The following EXPH5 variants were observed in gnomAD, a reference collection of about 807,000 sequenced individuals.
EXPH5 encodes exophilin-5.
EXPH5 carries 42 observed loss-of-function variants against 41.1 expected under a neutral mutation model. That is an observed-to-expected ratio of 1.02 (90% CI 0.80 to 1.32). The LOEUF (loss-of-function observed/expected upper bound fraction) is 1.32, where lower values mean the gene tolerates loss of function less well. Among genes scored for constraint, EXPH5 ranks in the 40% most tolerant of loss-of-function variants. EXPH5 has a pLI of 0.00. For synonymous variants in EXPH5, 798 were observed against 833.5 expected, an observed-to-expected ratio of 0.96 and a Z score of 0.73; for missense variants, 2,298 against 2,314.5, an observed-to-expected ratio of 0.99 and a Z score of 0.15.
chr11:108,514,840 G>C lies in EXPH5; in HGVS notation c.667C>G (p.Gln223Glu). Residue 223 changes from glutamine to glutamate, a missense_variant, in exon 6 of 6, where the codon CAG (glutamine) becomes GAG (glutamate). Physicochemically the swap from Gln to Glu is conservative, Grantham distance 29. Coordinates refer to ENST00000265843, the MANE Select transcript of EXPH5 (RefSeq NM_015065.3). ...DDLDSKLAQE[Q>E]SASSVNTRTP... is the part of the protein sequence containing the mutation. ...CTGGTATTCACTGAGCTTGCAGACT[G>C]TTCCTGAGCCAATTTGCTATCCAAG... The C allele has an allele frequency of 6.6e-7, 1 of 1,504,226 alleles. No individual in the cohort carries two copies. The highest frequency in any genetic ancestry group is 8.8e-7 in the Non-Finnish European group (1 of 1,132,014). The allele number at this position is 1,504,226 out of a possible 1,614,324, so 93.2% of individuals were successfully genotyped here. A position where few individuals can be genotyped will look rare whatever the true frequency, so the allele number is the denominator to read the frequency against.
chr11:108,522,178 G>T (rs373817561), intron 4 of EXPH5, among the ~76,000 whole-genome samples: 1 of 150,808 alleles, frequency 6.6e-6, no homozygotes, highest in Non-Finnish European at 1.5e-5. Context: ...CTCTGCAAGG[G>T]TGAGGTTAGT....
At chr11:108,577,040 A>G (rs187497893) in intron 1 of EXPH5, among the ~76,000 whole-genome samples, 2 of 152,190 alleles carry the variant, frequency 1.3e-5, no homozygotes, top group African/African-American at 4.8e-5. Flanking sequence ...AGTTCCATCT[A>G]TATTGTTGCA....
chr11:108,533,762 A>C (rs922589201), intron 3 of EXPH5, among the ~76,000 whole-genome samples: 1 of 152,050 alleles, frequency 6.6e-6, no homozygotes. Flanking sequence ...CTGGATCCCA[A>C]TTGCACCCTC....
intron 1 of EXPH5, among the ~76,000 whole-genome samples, chr11:108,567,716 A>G (rs567115691): frequency 1.3e-5 from 2 of 152,358 alleles, no homozygotes; most frequent in South Asian, 4.1e-4. Flanking sequence ...TAAATGTTAA[A>G]TGGGACTTAG....
At chr11:108,554,406 T>TGCC (rs2093981441) in intron 1 of EXPH5, among the ~76,000 whole-genome samples, 1 of 152,198 alleles carries the variant, frequency 6.6e-6, no homozygotes, top group Admixed American at 6.5e-5. Context: ...TGCCTTAGTT[T>TGCC]GCACATTTGT....
chr11:108,545,168 C>T (rs2093931964), intron 1 of EXPH5, among the ~76,000 whole-genome samples: 1 of 152,214 alleles, frequency 6.6e-6, no homozygotes, highest in Non-Finnish European at 1.5e-5. Flanking sequence ...AATCCCAGCA[C>T]TTCGGGAGGC....
chr11:108,534,695 T>G (rs1245874323), intron 3 of EXPH5, among the ~76,000 whole-genome samples: 5 of 152,228 alleles, frequency 3.3e-5, no homozygotes, highest in Admixed American at 1.3e-4. Context: ...AGGAACATCA[T>G]GTGTCACCAT....
intron 4 of EXPH5, among the ~76,000 whole-genome samples, chr11:108,520,336 A>G (rs550496852): frequency 6.6e-6 from 1 of 152,120 alleles, no homozygotes; most frequent in African/African-American, 2.4e-5. Flanking sequence ...TTTTCCACGA[A>G]GTGGGTCCCT....
intron 1 of EXPH5, among the ~76,000 whole-genome samples, chr11:108,575,134 T>C (rs559010850): frequency 6.6e-6 from 1 of 152,340 alleles, no homozygotes; most frequent in African/African-American, 2.4e-5. Flanking sequence ...TCAAGAAATG[T>C]GAATAGTAAA....
intron 3 of EXPH5, among the ~76,000 whole-genome samples, chr11:108,533,104 A>G (rs980822357): frequency 6.6e-6 from 1 of 152,082 alleles, no homozygotes; most frequent in Non-Finnish European, 1.5e-5. Context: ...CTTCATGATC[A>G]TCTATCTACC....
At chr11:108,560,832 G>T (rs1243248168) in intron 1 of EXPH5, among the ~76,000 whole-genome samples, 1 of 152,112 alleles carries the variant, frequency 6.6e-6, no homozygotes, top group Non-Finnish European at 1.5e-5. Flanking sequence ...TATTTTTCTG[G>T]TAATGTCATT....
intron 1 of EXPH5, among the ~76,000 whole-genome samples, chr11:108,576,120 G>A (rs1420503795): frequency 6.6e-6 from 1 of 152,024 alleles, no homozygotes; most frequent in African/African-American, 2.4e-5. Flanking sequence ...AAATACTTGT[G>A]AGACAATTGT....
At chr11:108,597,676 G>T (rs2094140658), upstream of EXPH5, among the ~76,000 whole-genome samples, 1 of 152,134 alleles carries the variant, frequency 6.6e-6, no homozygotes, top group Non-Finnish European at 1.5e-5. Flanking sequence ...ACAAATCAGA[G>T]GTACCTGCTA....
At chr11:108,553,628 T>A (rs2093977899) in intron 1 of EXPH5, among the ~76,000 whole-genome samples, 2 of 152,198 alleles carry the variant, frequency 1.3e-5, no homozygotes, top group Admixed American at 6.5e-5. Context: ...GGCTGTCAGC[T>A]CCTTGAGGAC....
intron 1 of EXPH5, among the ~76,000 whole-genome samples, chr11:108,580,618 C>T (rs1035825173): frequency 8.5e-5 from 13 of 152,216 alleles, no homozygotes; most frequent in South Asian, 2.1e-4. Flanking sequence ...ATATTTATTG[C>T]GGCACTATTC....
the EXPH5 span, among the ~76,000 whole-genome samples, chr11:108,606,509 T>C: frequency 3.3e-5 from 5 of 152,230 alleles, no homozygotes; most frequent in African/African-American, 1.2e-4. Context: ...CCCCACACAA[T>C]TTAATATCAA....
At chr11:108,590,849 C>G (rs2094125802) in intron 1 of EXPH5, among the ~76,000 whole-genome samples, 1 of 152,172 alleles carries the variant, frequency 6.6e-6, no homozygotes, top group Non-Finnish European at 1.5e-5. Flanking sequence ...GACATGGTCT[C>G]TCTGTGTTGG....
intron 4 of EXPH5, among the ~76,000 whole-genome samples, chr11:108,519,656 G>A (rs2093751319): frequency 2.6e-5 from 4 of 151,946 alleles, no homozygotes; most frequent in East Asian, 1.9e-4. Flanking sequence ...GCTGGGCCAG[G>A]AGAATAGCTT....
chr11:108,596,925 C>T (rs566808948), upstream of EXPH5, among the ~76,000 whole-genome samples: 8 of 152,264 alleles, frequency 5.3e-5, no homozygotes, highest in South Asian at 6.2e-4. Flanking sequence ...CTTATTTAGC[C>T]GGAGGCAAGC....
Sources: allele counts gnomAD v4.1 joint callset (sites outside exome capture counted in the v4.1 genomes callset), GRCh38; gene constraint gnomAD v4.1.1; transcripts MANE v1.5; gene names NCBI Gene and HGNC (gene_info 2026-07-23, HGNC 2026-07-21).